The following HECTD4 variants were observed in gnomAD, a reference collection of about 807,000 sequenced individuals.
HECTD4 encodes probable E3 ubiquitin-protein ligase HECTD4.
In HECTD4, 114 loss-of-function variants were observed where a neutral mutation model predicts 471.5. The ratio of observed to expected loss-of-function variants is 0.24; its 90% confidence interval spans 0.21 to 0.28. HECTD4 has a LOEUF of 0.28. Among genes scored for constraint, HECTD4 ranks in the 10% least tolerant of loss-of-function variants. The pLI is 1.00. For missense variants in HECTD4, 3,866 were observed against 5,651.5 expected, an observed-to-expected ratio of 0.68 and a Z score of 10.13; for synonymous variants, 2,012 against 2,256.0, an observed-to-expected ratio of 0.89 and a Z score of 3.07.
At chr12:112,291,826 T>C (rs982828519) in intron 7 of HECTD4, among the ~76,000 whole-genome samples, 1 of 152,018 alleles carries the variant, frequency 6.6e-6, no homozygotes, top group Admixed American at 6.6e-5. Flanking sequence ...GAGCCAAGAT[T>C]GCGCCACTGC....
chr12:112,164,129 C>T lies in HECTD4; in HGVS notation c.12681G>A (p.Arg4227=). ...CTCACGCCACAAGGATGTGCCGGCC[C>T]CGGCTGCACAGCTCCACCTCCTCGC... is the stretch of plus-strand genomic sequence containing the variant. ...MTGEEVELCS[R]GRHILVAWEN... The change falls in exon 73 of 76, where the codon CGG becomes CGA. Residue 4227 remains arginine, a synonymous_variant. Transcript: ENST00000682272. The T allele has an allele frequency of 6.2e-7, 1 of 1,605,250 alleles. No individual in the cohort carries two copies. The highest frequency in any genetic ancestry group is 8.5e-7 in the Non-Finnish European group (1 of 1,175,274).
intron 7 of HECTD4, among the ~76,000 whole-genome samples, chr12:112,283,900 C>T (rs2034694480): frequency 6.6e-6 from 1 of 151,660 alleles, no homozygotes; most frequent in South Asian, 2.1e-4. Flanking sequence ...CTCCAAAATT[C>T]CTTCACCAAT....
intron 48 of HECTD4, among the ~76,000 whole-genome samples, chr12:112,212,971 T>C (rs778126919): frequency 1.3e-5 from 2 of 152,168 alleles, no homozygotes; most frequent in Non-Finnish European, 2.9e-5. Context: ...AATTTTTGTA[T>C]TTTTAGTAGA....
intron 52 of HECTD4, among the ~76,000 whole-genome samples, chr12:112,206,564 T>C (rs888076185): frequency 9.2e-5 from 12 of 130,766 alleles, no homozygotes; most frequent in African/African-American, 3.6e-4. Context: ...TGAGACGGAG[T>C]CTGGCTCTGT....
chr12:112,331,458 G>A (rs907615410), intron 1 of HECTD4, among the ~76,000 whole-genome samples: 5 of 152,154 alleles, frequency 3.3e-5, no homozygotes, highest in Non-Finnish European at 7.3e-5. Context: ...TTCTATGCCA[G>A]CCTCTGCAAA....
chr12:112,164,685 A>G (rs1328002096), intron 72 of HECTD4, among the ~76,000 whole-genome samples: 1 of 151,700 alleles, frequency 6.6e-6, no homozygotes, highest in South Asian at 2.1e-4. Flanking sequence ...CAATGGCGCA[A>G]TCTTGGCTCG....
At chr12:112,197,213 T>G (rs537378392) in intron 55 of HECTD4, among the ~76,000 whole-genome samples, 1 of 152,320 alleles carries the variant, frequency 6.6e-6, no homozygotes, top group African/African-American at 2.4e-5. Context: ...CGCCTGGCTA[T>G]GAGCTTGTTT....
intron 2 of HECTD4, among the ~76,000 whole-genome samples, chr12:112,318,584 G>C (rs946911605): frequency 6.6e-6 from 1 of 152,148 alleles, no homozygotes; most frequent in Non-Finnish European, 1.5e-5. Flanking sequence ...ATGTTGGCCA[G>C]GGCAGTCTAG....
chr12:112,246,847 T>C (rs2033774504), intron 29 of HECTD4, 54 bp downstream of exon 29: 3 of 1,457,294 alleles, frequency 2.1e-6, no homozygotes, highest in East Asian at 2.3e-5. Context: ...ATGAACAGAG[T>C]ATATTCTCTG....
intron 11 of HECTD4, among the ~76,000 whole-genome samples, chr12:112,272,817 T>C (rs962595642): frequency 6.6e-5 from 10 of 152,312 alleles, no homozygotes; most frequent in South Asian, 2.1e-4. Flanking sequence ...CTGACAATGC[T>C]ACTGGACATG....
intron 7 of HECTD4, among the ~76,000 whole-genome samples, chr12:112,286,796 C>T (rs952805680): frequency 1.3e-5 from 2 of 152,180 alleles, no homozygotes; most frequent in African/African-American, 4.8e-5. Context: ...ACTGACAGGG[C>T]CTCACAAGGG....
intron 60 of HECTD4, among the ~76,000 whole-genome samples, chr12:112,186,709 C>T (rs2031877959): frequency 1.3e-5 from 2 of 151,218 alleles, no homozygotes. Context: ...CTCTTATCAC[C>T]CAGGCTGGAG....
intron 4 of HECTD4, among the ~76,000 whole-genome samples, chr12:112,310,240 T>C (rs2035346531): frequency 1.3e-5 from 2 of 152,200 alleles, no homozygotes; most frequent in Non-Finnish European, 2.9e-5. Context: ...ATTCCATAAA[T>C]GGCAAATGAA....
At chr12:112,195,636 G>A (rs922738257) in intron 55 of HECTD4, among the ~76,000 whole-genome samples, 1 of 152,120 alleles carries the variant, frequency 6.6e-6, no homozygotes, top group Admixed American at 6.6e-5. Context: ...ATGGATATGG[G>A]GTTTCTTTTG....
intron 17 of HECTD4, 42 bp downstream of exon 17, chr12:112,264,042 C>T: frequency 1.3e-6 from 2 of 1,507,554 alleles, no homozygotes; most frequent in Non-Finnish European, 1.8e-6. Context: ...CTGCTTTTCA[C>T]ACTGGGTAGA....
intron 1 of HECTD4, among the ~76,000 whole-genome samples, chr12:112,324,033 CCTTCCTTCCTTCCTTTCTTTCTTTCTTT>C (rs1566112024): frequency 3.4e-4 from 8 of 23,746 alleles, no homozygotes; most frequent in African/African-American, 7.8e-4. Flanking sequence ...TTCCTTCCTT[CCTTCCTTCCTTCCTTTCTTTCTTTCTTT>C]CTTTCTTTCT....
intron 38 of HECTD4, among the ~76,000 whole-genome samples, chr12:112,232,498 C>G (rs1276884167): frequency 1.3e-5 from 2 of 152,150 alleles, no homozygotes; most frequent in Non-Finnish European, 2.9e-5. Context: ...ACACTTGAGA[C>G]TTTATTTACC....
chr12:112,197,591 G>A (rs919896226), intron 55 of HECTD4, among the ~76,000 whole-genome samples: 44 of 152,180 alleles, frequency 2.9e-4, no homozygotes, highest in Non-Finnish European at 5.9e-4. Context: ...TGATCACACA[G>A]ATCTGCATGG....
intron 1 of HECTD4, among the ~76,000 whole-genome samples, chr12:112,369,006 G>T (rs747985992): frequency 6.6e-5 from 10 of 152,124 alleles, no homozygotes; most frequent in Non-Finnish European, 1.2e-4. Flanking sequence ...TTCTCTTCCC[G>T]GTATGTGCAG....
Sources: gnomAD v4.1 joint callset for allele counts (sites outside exome capture counted in the v4.1 genomes callset) on GRCh38, gnomAD v4.1.1 for gene constraint, MANE v1.5 for transcripts, NCBI Gene and HGNC (gene_info 2026-07-23, HGNC 2026-07-21) for gene names.